NLRP7: variants seen among roughly 807,000 people sequenced by gnomAD.
NLRP7 encodes NLR family pyrin domain containing 7.
In NLRP7, 72 loss-of-function variants were observed where a neutral mutation model predicts 85.5. That is an observed-to-expected ratio of 0.84 (90% CI 0.70 to 1.02). The LOEUF is 1.02. Ranked by LOEUF, NLRP7 falls within the 50% of genes least tolerant of loss-of-function variation. The pLI, the probability that NLRP7 is intolerant of heterozygous loss-of-function variation, is 0.00. For missense variants in NLRP7, 1,243 were observed against 1,219.5 expected (o/e 1.02, Z -0.29); for synonymous variants, 550 against 505.2 (o/e 1.09, Z -1.19).
intron 9 of NLRP7, among the ~76,000 whole-genome samples, chr19:54,927,067 G>A (rs548908530): frequency 4.9e-4 from 73 of 148,420 alleles, no homozygotes; most frequent in African/African-American, 1.7e-3. Context: ...TCCAGCCTGG[G>A]CAACAGTGAG....
exon 4 of NLRP7, chr19:54,939,908 C>T: frequency 6.2e-7 from 1 of 1,614,146 alleles, no homozygotes; most frequent in Non-Finnish European, 8.5e-7. Context: ...CCTCAGTGCC[C>T]TGGGCCGCGT....
At chr19:54,962,268 AT>A (rs34974314) in intron 1 of NLRP7, among the ~76,000 whole-genome samples, 3,951 of 133,102 alleles carry the variant, frequency 0.03, 132 homozygotes, top group African/African-American at 0.099. Flanking sequence ...CCATCCCTCA[AT>A]TTTTTTTTTT....
intron 6 of NLRP7, among the ~76,000 whole-genome samples, chr19:54,935,657 G>A (rs1001337628): frequency 2.5e-4 from 37 of 149,806 alleles, no homozygotes; most frequent in Non-Finnish European, 3.2e-4. Flanking sequence ...GCGCCACTGC[G>A]CTCCAGCCTG....
rs773792203 is a variant in NLRP7, at chr19:54,930,482, AAAAG to A, written c.2810+13_2810+16del. 1.2e-5 allele frequency: 19 copies of A among 1,573,870 alleles called. No homozygotes were observed. The highest frequency in any genetic ancestry group is 2.7e-5 in the African/African-American group (2 of 74,258). On this transcript the variant is annotated intron_variant, in intron 9 of 9. Coordinates refer to ENST00000340844, the Ensembl canonical transcript of NLRP7. ...GTCTCAAAAAAAGAAAGAAAGAAGA[AAAAG>A]AAAATCGCCTACCGTAGGTGTTTTA...
chr19:54,962,463 A>G (rs775841), intron 1 of NLRP7, among the ~76,000 whole-genome samples: 61,477 of 149,882 alleles, frequency 0.41, 12,955 homozygotes, highest in East Asian at 0.49. Context: ...TAGAGATGGG[A>G]TTTCACCATG....
intron 1 of NLRP7, among the ~76,000 whole-genome samples, chr19:54,957,133 T>C (rs1442021419): frequency 6.6e-6 from 1 of 151,968 alleles, no homozygotes; most frequent in East Asian, 1.9e-4. Context: ...GTAATCCTCC[T>C]GTCTCAGCCT....
At chr19:54,940,348 G>A (rs1237604974) in exon 4 of NLRP7, 9 of 1,614,192 alleles carry the variant, frequency 5.6e-6, no homozygotes, top group Non-Finnish European at 7.6e-6. Flanking sequence ...AGAATGGAAT[G>A]AACCGTTGGT....
chr19:54,937,947 T>G, intron 5 of NLRP7, 97 bp downstream of exon 5: 1 of 805,488 alleles, frequency 1.2e-6, no homozygotes, highest in Non-Finnish European at 2.1e-6. Flanking sequence ...CCCAAATACA[T>G]GGAGATGAAA....
At chr19:54,949,771 A>G (rs115126106), upstream of NLRP7, among the ~76,000 whole-genome samples, 1,846 of 152,214 alleles carry the variant, frequency 0.012, 36 homozygotes, top group African/African-American at 0.043. Context: ...TGTGATCAGC[A>G]TTGCCCACCT....
intron 1 of NLRP7, among the ~76,000 whole-genome samples, chr19:54,959,753 A>T (rs909220843): frequency 1.3e-5 from 2 of 151,962 alleles, no homozygotes; most frequent in Non-Finnish European, 2.9e-5. Flanking sequence ...GTGCTTGACC[A>T]GGAGGCAAGC....
chr19:54,937,232 G>T (rs1407475312), intron 5 of NLRP7, among the ~76,000 whole-genome samples: 3 of 146,326 alleles, frequency 2.1e-5, no homozygotes, highest in African/African-American at 5.0e-5. Flanking sequence ...AAAAAAAAAA[G>T]TCAAGAAGCA....
chr19:54,939,276 G>A (rs1569540477), exon 4 of NLRP7: 2 of 1,614,098 alleles, frequency 1.2e-6, no homozygotes, highest in African/African-American at 1.3e-5. Context: ...ACTTGAATCA[G>A]GTCGGGGTTC....
chr19:54,957,727 A>T (rs1022365237), intron 1 of NLRP7, among the ~76,000 whole-genome samples: 31 of 150,960 alleles, frequency 2.1e-4, no homozygotes, highest in African/African-American at 7.6e-4. Context: ...TTTTTGTGGG[A>T]CTCCTGTGCA....
intron 1 of NLRP7, among the ~76,000 whole-genome samples, chr19:54,945,033 C>T (rs567685195): frequency 3.6e-4 from 54 of 151,606 alleles, no homozygotes; most frequent in Non-Finnish European, 6.2e-4. Flanking sequence ...AGGTGAGGAG[C>T]TCAAGACCAT....
At chr19:54,926,037 C>G (rs535959119) in intron 9 of NLRP7, among the ~76,000 whole-genome samples, 1 of 150,544 alleles carries the variant, frequency 6.6e-6, no homozygotes, top group Admixed American at 6.7e-5. Flanking sequence ...AAGACAGACT[C>G]CGTCTCAAAA....
exon 4 of NLRP7, chr19:54,940,419 A>G: frequency 6.2e-7 from 1 of 1,614,086 alleles, no homozygotes; most frequent in African/African-American, 1.3e-5. Context: ...GTGTTCTTCC[A>G]GACCAAAGAC....
rs1339008404 is a variant in NLRP7, at chr19:54,940,200, C to T, written c.619G>A (p.Ala207Thr). Residue 207 changes from alanine (A) to threonine (T), a missense_variant, in exon 4 of 10, where the codon GCG becomes ACG. By Grantham distance (58) the Ala-to-Thr change is moderately conservative (BLOSUM62 0). Around this residue, in one of 3 missense-constraint regions of NLRP7, gnomAD observed 591 missense variants for 563.3 expected, o/e 1.05. Transcript: ENST00000340844. ...AGCTCCTTGCAGCTGAGGTAGAACG[C>T]GTATCTGAGCGTCGGGCTGAGGTTG... is the stretch of plus-strand genomic sequence containing the variant. 4.3e-6 allele frequency: 7 copies of T among 1,614,066 alleles called. No individual in the cohort carries two copies. The highest frequency in any genetic ancestry group is 4.5e-5 in the East Asian group (2 of 44,886).
intron 6 of NLRP7, among the ~76,000 whole-genome samples, chr19:54,935,100 G>A (rs2068851345): frequency 6.6e-6 from 1 of 152,122 alleles, no homozygotes; most frequent in African/African-American, 2.4e-5. Context: ...GAGATCTAAT[G>A]TTGCCTCTGC....
chr19:54,934,442 T>C lies in NLRP7; in HGVS notation c.2471+47A>G, dbSNP rs184364503. ...GTCAGGTGTTACCCTTTCTCTTCTA[T>C]AGCCCCAGAACTAAACCAGAGCTGC... On this transcript the variant is annotated intron_variant, in intron 7 of 9. Transcript: ENST00000340844. The surrounding 1 kb of genome is among the most constrained non-coding windows in gnomAD (Gnocchi z 6.7). 3.2e-3 allele frequency: 5,089 copies of C among 1,598,534 alleles called. 172 individuals are homozygous for C. In the South Asian group the frequency reaches 0.053, roughly 17 times the overall value.
Sources: allele counts gnomAD v4.1 joint callset (sites outside exome capture counted in the v4.1 genomes callset), GRCh38; gene constraint gnomAD v4.1.1; regional missense constraint gnomAD v4.1.1; non-coding constraint Gnocchi (gnomAD v3.1); transcripts MANE v1.5; gene names NCBI Gene and HGNC (gene_info 2026-07-23, HGNC 2026-07-21).